The following BICRA variants were observed in gnomAD, a reference collection of about 807,000 sequenced individuals.
BICRA encodes the protein BRD4-interacting chromatin-remodeling complex-associated protein.
A neutral mutation model predicts 96.9 loss-of-function variants in BICRA; 31 were observed. The ratio of observed to expected loss-of-function variants is 0.32; its 90% CI spans 0.24 to 0.43. BICRA has a LOEUF of 0.43. BICRA is among the 20% of genes least tolerant of loss of function. The pLI is 1.00. For synonymous variants in BICRA, 1,350 were observed against 1,071.8 expected (o/e 1.26, Z -5.07); for missense variants, 2,283 against 2,190.3 (o/e 1.04, Z -0.84).
At chr19:47,659,687 C>T (rs745720639) in intron 1 of BICRA, among the ~76,000 whole-genome samples, 44 of 34,984 alleles carry the variant, frequency 1.3e-3, no homozygotes, top group East Asian at 1.9e-3. Context: ...GTGGTGCATA[C>T]ACACACACAC....
At chr19:47,681,711 AGT>A (rs1243447942) in intron 6 of BICRA, among the ~76,000 whole-genome samples, 2 of 152,074 alleles carry the variant, frequency 1.3e-5, no homozygotes, top group African/African-American at 4.8e-5. Context: ...TCAGAGAGAA[AGT>A]GGACGAGACA....
At chr19:47,653,827 C>A (rs773821369) in intron 1 of BICRA, among the ~76,000 whole-genome samples, 2 of 152,078 alleles carry the variant, frequency 1.3e-5, no homozygotes, top group Non-Finnish European at 2.9e-5. Context: ...CACAGGCCAG[C>A]CTTTGTTTTG....
At chr19:47,692,890 G>A (rs1973262580) in intron 7 of BICRA, among the ~76,000 whole-genome samples, 1 of 152,190 alleles carries the variant, frequency 6.6e-6, no homozygotes, top group Non-Finnish European at 1.5e-5. Flanking sequence ...AGCCCTCTGA[G>A]CCTGAACTCA....
chr19:47,699,103 T>G lies in BICRA; in HGVS notation c.3492+44T>G. ...TCCTCGCCTCTGGGCTCCTCCTCGC[T>G]GGGACACTGCCCCTTTCCCTCACCC... On this transcript the variant is annotated intron_variant, in intron 13 of 14. Coordinates refer to ENST00000594866, the MANE Select transcript of BICRA (RefSeq NM_001394372.1). The surrounding 1 kb of genome is among the most constrained non-coding windows in gnomAD (Gnocchi z 5.0). 1 of 1,297,088 alleles carries G rather than the reference T, an allele frequency of 7.7e-7. No homozygotes were observed. Among genetic ancestry groups the G allele is most frequent in the Non-Finnish European group, 1.1e-6 (1 of 918,494 alleles). 80.3% of individuals were successfully genotyped at this position (1,297,088 alleles called of 1,614,324 possible).
intron 1 of BICRA, among the ~76,000 whole-genome samples, chr19:47,656,536 A>G (rs1972621600): frequency 6.6e-6 from 1 of 152,194 alleles, no homozygotes; most frequent in African/African-American, 2.4e-5. Context: ...CAATGTTCAC[A>G]GTCACTTTTT....
chr19:47,615,191 C>A (rs1402313763), intron 1 of BICRA, among the ~76,000 whole-genome samples: 1 of 152,206 alleles, frequency 6.6e-6, no homozygotes, highest in Non-Finnish European at 1.5e-5. Context: ...ACTGTGTTGC[C>A]CAGGCTGGTC....
intron 5 of BICRA, among the ~76,000 whole-genome samples, chr19:47,677,701 A>G (rs919581246): frequency 6.6e-6 from 1 of 152,198 alleles, no homozygotes; most frequent in African/African-American, 2.4e-5. Context: ...CGTCTCAAAA[A>G]AAACCCAAAG....
intron 7 of BICRA, 120 bp downstream of exon 7, chr19:47,682,272 G>GAGCT (rs1206186696): frequency 7.0e-6 from 4 of 574,426 alleles, no homozygotes; most frequent in African/African-American, 5.8e-5. Context: ...TTGGAACACA[G>GAGCT]AGCTCTCCTT....
In BICRA at chr19:47,698,877, G is replaced by C; in HGVS notation, c.3398-88G>C. On this transcript the variant is annotated intron_variant, in intron 12 of 14. Transcript: ENST00000594866. The surrounding 1 kb of genome is among the most constrained non-coding windows in gnomAD (Gnocchi z 4.8). ...GTGTGGAGCCGCAGGTCCACGGTGC[G>C]CTATGCTGACCCTGCCCCGCCCTCC... 1 of 1,346,944 alleles carries C rather than the reference G, an allele frequency of 7.4e-7. No homozygotes were observed. Among genetic ancestry groups the C allele is most frequent in the Non-Finnish European group, 1.0e-6 (1 of 961,488 alleles). 83.4% of individuals were successfully genotyped at this position (1,346,944 alleles called of 1,614,324 possible). A position where few individuals can be genotyped will look rare whatever the true frequency, so the allele number is the denominator to read the frequency against.
chr19:47,701,927 G>C lies in BICRA; in HGVS notation c.4195G>C (p.Gly1399Arg), dbSNP rs1222808892. The C allele has an allele frequency of 7.0e-7, 1 of 1,432,754 alleles. No homozygotes were observed. Among genetic ancestry groups the C allele is most frequent in the Admixed American group, 3.1e-5 (1 of 32,264 alleles). 88.8% of individuals were successfully genotyped at this position (1,432,754 alleles called of 1,614,324 possible). A position where few individuals can be genotyped will look rare whatever the true frequency, so the allele number is the denominator to read the frequency against. The change falls in exon 15 of 15, where the codon GGC becomes CGC. Residue 1399 changes from glycine to arginine, a missense_variant. Physicochemically the swap from Gly to Arg is moderately radical, Grantham distance 125. Transcript: ENST00000594866. This position sits in a 1 kb window ranked among gnomAD's most constrained non-coding sequence, Gnocchi z 5.4. ...CTACCGCGAGAACGTGGGGGGCCCTGGCGCGCCGGAGGGGACGCCCGCAGG... is the reference window on the plus strand; with the variant it reads ...CTACCGCGAGAACGTGGGGGGCCCTCGCGCGCCGGAGGGGACGCCCGCAGG... ...KTYRENVGGP[G>R]APEGTPAGRA...
At chr19:47,677,851 A>T (rs1972965254) in intron 5 of BICRA, among the ~76,000 whole-genome samples, 1 of 152,142 alleles carries the variant, frequency 6.6e-6, no homozygotes, top group South Asian at 2.1e-4. Flanking sequence ...AGAATTTCGA[A>T]TTTCTCCAAT....
chr19:47,702,896 G>C lies in BICRA; in HGVS notation c.*481G>C, dbSNP rs571896363. On this transcript the variant is annotated 3_prime_UTR_variant, in exon 15 of 15. Coordinates refer to ENST00000594866, the MANE Select transcript of BICRA (RefSeq NM_001394372.1). ...CAGGCTGTCAAACAAAACCGGAGAGGGGGTGGGGGAGCCAGCCTCCCAGCG... is the reference window on the plus strand; with the variant it reads ...CAGGCTGTCAAACAAAACCGGAGAGCGGGTGGGGGAGCCAGCCTCCCAGCG... 2.8e-5 allele frequency: 5 copies of C among 181,550 alleles called. No individual in the cohort carries two copies. The highest frequency in any genetic ancestry group is 1.2e-4 in the South Asian group (1 of 8,322). The allele number at this position is 181,550 out of a possible 1,614,324, so 11.2% of individuals were successfully genotyped here.
At chr19:47,653,103 A>G (rs1972565101) in intron 1 of BICRA, among the ~76,000 whole-genome samples, 2 of 148,372 alleles carry the variant, frequency 1.3e-5, no homozygotes, top group Middle Eastern at 3.5e-3. Context: ...GCTCACTGCA[A>G]CCTCCACCTT....
At chr19:47,697,372 G>A (rs563263284) in intron 11 of BICRA, among the ~76,000 whole-genome samples, 4 of 151,444 alleles carry the variant, frequency 2.6e-5, no homozygotes, top group Non-Finnish European at 5.9e-5. Context: ...CAGCCCAGGC[G>A]ACAGAGCAAG....
intron 1 of BICRA, among the ~76,000 whole-genome samples, chr19:47,647,095 A>G (rs1972470790): frequency 1.3e-5 from 2 of 152,194 alleles, no homozygotes; most frequent in South Asian, 4.1e-4. Context: ...GATGTTGTCA[A>G]GGTCCCTCCG....
chr19:47,680,845 G>T lies in BICRA; in HGVS notation c.1675G>T (p.Val559Leu). 6.3e-7 allele frequency: 1 copy of T among 1,586,616 alleles called. No homozygotes were observed. Among genetic ancestry groups the T allele is most frequent in the Non-Finnish European group, 8.5e-7 (1 of 1,172,846 alleles). The change falls in exon 6 of 15, where the codon GTG becomes TTG. Residue 559 changes from valine to leucine, a missense_variant. Coordinates refer to ENST00000594866, the MANE Select transcript of BICRA (RefSeq NM_001394372.1). Reference sequence around the variant, plus strand: ...CCAGCCTGCGCTCTTCCAGATGCCCGTGTCGCTGGCGGCGGGCAGCCTGCC... The same window carrying T: ...CCAGCCTGCGCTCTTCCAGATGCCCTTGTCGCTGGCGGCGGGCAGCCTGCC... ...VGQPALFQMP[V>L]SLAAGSLPTQ...
At chr19:47,657,003 A>G (rs1382860258) in intron 1 of BICRA, among the ~76,000 whole-genome samples, 1 of 152,004 alleles carries the variant, frequency 6.6e-6, no homozygotes, top group Non-Finnish European at 1.5e-5. Context: ...CTGGGACTAC[A>G]GGTGCCCACC....
Position 47,702,548 on chromosome 19 carries a change from C to A in BICRA, c.*133C>A. The stretch of plus-strand genomic sequence containing the variant: ...TTTCTTGCCTAAGTTATTTGAGTCA[C>A]AAAGGCCTCCTTCCCTGCCGCCTGC... On this transcript the variant is annotated 3_prime_UTR_variant, in exon 15 of 15. Transcript: ENST00000594866. 2 of 1,053,662 alleles carry A rather than the reference C, an allele frequency of 1.9e-6. No individual in the cohort carries two copies. The highest frequency in any genetic ancestry group is 2.6e-6 in the Non-Finnish European group (2 of 781,362). The allele number at this position is 1,053,662 out of a possible 1,614,324, so 65.3% of individuals were successfully genotyped here.
At chr19:47,700,667 A>G (rs1423392071) in intron 14 of BICRA, 2 of 152,076 alleles carry the variant, frequency 1.3e-5, no homozygotes, top group Admixed American at 1.3e-4. Flanking sequence ...GGTGTCTGGC[A>G]CCTATAATCC....
Sources: allele counts gnomAD v4.1 joint callset (sites outside exome capture counted in the v4.1 genomes callset), GRCh38; gene constraint gnomAD v4.1.1; non-coding constraint Gnocchi (gnomAD v3.1); transcripts MANE v1.5; gene names NCBI Gene and HGNC (gene_info 2026-07-23, HGNC 2026-07-21).